CARMIL1: variants seen among roughly 807,000 people sequenced by gnomAD.
CARMIL1 encodes capping protein regulator and myosin 1 linker 1, also known as F-actin-uncapping protein LRRC16A.
CARMIL1 carries 90 observed loss-of-function variants against 177.1 expected under a neutral mutation model. That is an observed-to-expected ratio of 0.51 (90% CI 0.43 to 0.61). The LOEUF (loss-of-function observed/expected upper bound fraction) is 0.61, where lower values mean the gene tolerates loss of function less well. CARMIL1 is among the 20% of genes least tolerant of loss of function. CARMIL1 has a pLI of 0.00. For synonymous variants in CARMIL1, 577 were observed against 606.2 expected, an observed-to-expected ratio of 0.95 and a Z score of 0.71; for missense variants, 1,380 against 1,667.0, an observed-to-expected ratio of 0.83 and a Z score of 3.00.
intron 2 of CARMIL1, among the ~76,000 whole-genome samples, chr6:25,365,547 C>A (rs1453284016): frequency 1.3e-5 from 2 of 152,034 alleles, no homozygotes; most frequent in South Asian, 4.1e-4. Flanking sequence ...CGTCCGCCCC[C>A]CTCACTTTAT....
At chr6:25,408,117 G>A (rs576608807) in intron 2 of CARMIL1, among the ~76,000 whole-genome samples, 25 of 151,768 alleles carry the variant, frequency 1.6e-4, no homozygotes, top group Non-Finnish European at 2.8e-4. Flanking sequence ...CAACATAGAC[G>A]TCATCTCTAC....
intron 8 of CARMIL1, among the ~76,000 whole-genome samples, chr6:25,451,215 C>T (rs939149074): frequency 2.6e-5 from 4 of 151,746 alleles, no homozygotes; most frequent in African/African-American, 4.8e-5. Flanking sequence ...ATCCAGAGTT[C>T]GTAGTTAGAA....
At chr6:25,471,330 A>T in intron 10 of CARMIL1, 73 bp downstream of exon 10, 3 of 1,007,958 alleles carry the variant, frequency 3.0e-6, no homozygotes, top group Non-Finnish European at 4.3e-6. Context: ...ATTAATTCAT[A>T]GTTTTTTTTT....
chr6:25,549,833 C>T (rs768671500), intron 26 of CARMIL1, among the ~76,000 whole-genome samples: 77 of 152,098 alleles, frequency 5.1e-4, no homozygotes, highest in Non-Finnish European at 8.2e-4. Flanking sequence ...GAACAGTCTT[C>T]GAAATCAGAT....
At chr6:25,356,671 T>C (rs986189268) in intron 2 of CARMIL1, among the ~76,000 whole-genome samples, 3 of 152,232 alleles carry the variant, frequency 2.0e-5, no homozygotes, top group African/African-American at 7.2e-5. Context: ...CTTAATGCCC[T>C]CTGGCAGCCA....
At chr6:25,523,432 A>G (rs1806774800) in intron 23 of CARMIL1, among the ~76,000 whole-genome samples, 2 of 152,240 alleles carry the variant, frequency 1.3e-5, no homozygotes, top group Admixed American at 6.5e-5. Context: ...AGTATTACAG[A>G]TATGGAAAAC....
intron 2 of CARMIL1, among the ~76,000 whole-genome samples, chr6:25,398,761 C>T (rs1256816021): frequency 6.6e-6 from 1 of 152,038 alleles, no homozygotes; most frequent in Non-Finnish European, 1.5e-5. Flanking sequence ...ATAATGTAAC[C>T]AAGGATATGA....
At chr6:25,414,195 A>T (rs1046256388) in intron 2 of CARMIL1, among the ~76,000 whole-genome samples, 1 of 152,168 alleles carries the variant, frequency 6.6e-6, no homozygotes, top group East Asian at 1.9e-4. Context: ...TGTAATCTCT[A>T]ACTCTCTAGA....
intron 4 of CARMIL1, among the ~76,000 whole-genome samples, chr6:25,430,047 T>C (rs1056638986): frequency 1.3e-5 from 2 of 152,214 alleles, no homozygotes; most frequent in African/African-American, 4.8e-5. Context: ...GGTTTCACCA[T>C]GTTGGCCAGG....
chr6:25,541,715 G>A (rs748988628), intron 26 of CARMIL1, among the ~76,000 whole-genome samples: 12 of 152,082 alleles, frequency 7.9e-5, no homozygotes, highest in African/African-American at 1.9e-4. Flanking sequence ...GTGCAGTGGC[G>A]TGATCTCAGC....
At chr6:25,598,132 C>T (rs1815031871) in intron 32 of CARMIL1, among the ~76,000 whole-genome samples, 1 of 152,098 alleles carries the variant, frequency 6.6e-6, no homozygotes. Context: ...GCTTGACACT[C>T]ATAAGCCATT....
intron 2 of CARMIL1, among the ~76,000 whole-genome samples, chr6:25,367,792 T>C (rs1397170277): frequency 1.3e-5 from 2 of 152,130 alleles, no homozygotes; most frequent in African/African-American, 4.8e-5. Flanking sequence ...GGAGCCTCGG[T>C]CTGTCGCCTA....
chr6:25,535,877 C>G (rs212932), intron 24 of CARMIL1, among the ~76,000 whole-genome samples: 1 of 152,200 alleles, frequency 6.6e-6, no homozygotes, highest in East Asian at 1.9e-4. Context: ...GAGCTATGCT[C>G]AGAGGAATCT....
In CARMIL1 at chr6:25,495,170, T is replaced by C; in HGVS notation, c.1280T>C (p.Met427Thr). The change falls in exon 16 of 37, where the codon ATG (methionine) becomes ACG (threonine). Residue 427 changes from methionine to threonine, a missense_variant. Met to Thr is a moderately conservative substitution (Grantham distance 81). Transcript: ENST00000329474. ...TTTTTTAGTAGTTCTCTGGCTTTGA[T>C]GCACATCAACCTTTCAGGCACAAAA... ...KQFFSSSLAL[M>T]HINLSGTKLS... is the part of the protein sequence containing the mutation. 6.2e-7 allele frequency: 1 copy of C among 1,613,568 alleles called. No homozygotes were observed. The highest frequency in any genetic ancestry group is 8.5e-7 in the Non-Finnish European group (1 of 1,179,670).
At chr6:25,465,254 G>GTGTCT (rs1399054509) in intron 8 of CARMIL1, among the ~76,000 whole-genome samples, 1 of 152,054 alleles carries the variant, frequency 6.6e-6, no homozygotes, top group Non-Finnish European at 1.5e-5. Flanking sequence ...GCCAGGCACT[G>GTGTCT]TGTCTTATGC....
chr6:25,511,744 A>G (rs1409329341), intron 20 of CARMIL1, among the ~76,000 whole-genome samples: 1 of 152,184 alleles, frequency 6.6e-6, no homozygotes, highest in Non-Finnish European at 1.5e-5. Flanking sequence ...GACACTGGAC[A>G]CTTCCTCACT....
intron 17 of CARMIL1, among the ~76,000 whole-genome samples, chr6:25,506,221 A>C (rs1363353441): frequency 6.6e-6 from 1 of 152,228 alleles, no homozygotes; most frequent in East Asian, 1.9e-4. Flanking sequence ...GTATGAAAGC[A>C]ATGAATATCT....
rs1222368206 is a variant in CARMIL1, at chr6:25,554,428, G to T, written c.2592+332G>T. On this transcript the variant is annotated intron_variant, in intron 28 of 36. Coordinates refer to ENST00000329474, the MANE Select transcript of CARMIL1 (RefSeq NM_017640.6). This position sits in a 1 kb window ranked among gnomAD's most constrained non-coding sequence, Gnocchi z 4.6. ...ATTTTAATTTATCTTTGCTCATTTT[G>T]TTGTTGATATGATTATTTGATAATG... 2.0e-5 allele frequency among the ~76,000 whole-genome samples: 3 copies of T among 152,054 alleles called. No individual in the cohort carries two copies. Among genetic ancestry groups the T allele is most frequent in the Non-Finnish European group, 4.4e-5 (3 of 68,018 alleles).
intron 2 of CARMIL1, among the ~76,000 whole-genome samples, chr6:25,408,232 G>A (rs1332795933): frequency 6.7e-6 from 1 of 150,018 alleles, no homozygotes; most frequent in African/African-American, 2.5e-5. Flanking sequence ...AGGCTGCAGT[G>A]AGCCGAGATT....
Sources: gnomAD v4.1 joint callset for allele counts (sites outside exome capture counted in the v4.1 genomes callset) on GRCh38, gnomAD v4.1.1 for gene constraint, Gnocchi (gnomAD v3.1) non-coding constraint, MANE v1.5 for transcripts, NCBI Gene and HGNC (gene_info 2026-07-23, HGNC 2026-07-21) for gene names.